PCDHGA6: variants seen among roughly 807,000 people sequenced by gnomAD.
PCDHGA6 encodes the protein protocadherin gamma subfamily A, 6, also known as protocadherin gamma-A6.
Under a neutral mutation model 60.6 loss-of-function variants are expected in PCDHGA6, and 41 were observed. The ratio of observed to expected loss-of-function variants is 0.68; its 90% CI spans 0.53 to 0.88. PCDHGA6 has a LOEUF of 0.88. Among genes scored for constraint, PCDHGA6 ranks in the 40% least tolerant of loss-of-function variants. The pLI, the probability that PCDHGA6 is intolerant of heterozygous loss-of-function variation, is 0.00. For synonymous variants in PCDHGA6, 594 were observed against 524.4 expected, an observed-to-expected ratio of 1.13 and a Z score of -1.81; for missense variants, 1,312 against 1,203.0, an observed-to-expected ratio of 1.09 and a Z score of -1.34.
In PCDHGA6 at chr5:141,410,525, T is replaced by G. The variant is rs6891442; in HGVS notation, c.2424+34018T>G. The G allele has an allele frequency of 1.9e-3, 3,112 of 1,613,920 alleles. 62 individuals are homozygous for G. In the African/African-American group the frequency reaches 0.034, roughly 18 times the overall value. On this transcript the variant is annotated intron_variant, in intron 1 of 3. Transcript: ENST00000517434. ...CCTAAAATGCAGTGTGCCCCTACAT[T>G]CCAATGAAGACATGGTTTGCAGTGT...
intron 1 of PCDHGA6, among the ~76,000 whole-genome samples, chr5:141,479,962 A>G: frequency 6.6e-6 from 1 of 152,226 alleles, no homozygotes; most frequent in Non-Finnish European, 1.5e-5. Context: ...GCAGTTAGTC[A>G]AATGAGGTTC....
Position 141,487,266 on chromosome 5 carries a change from T to A in PCDHGA6, c.2425-7541T>A. The stretch of plus-strand genomic sequence containing the variant: ...ACCCTCTACTTGGCTGTGTCCCTAG[T>A]GGCAATTTGCTTTGTCTCCTTTGGC... On this transcript the variant is annotated intron_variant, in intron 1 of 3. Transcript: ENST00000517434. This position sits in a 1 kb window ranked among gnomAD's most constrained non-coding sequence, Gnocchi z 5.0. The A allele has an allele frequency of 1.2e-6, 2 of 1,614,172 alleles. No homozygotes were observed. Among genetic ancestry groups the A allele is most frequent in the Non-Finnish European group, 8.5e-7 (1 of 1,180,036 alleles).
chr5:141,403,607 G>A (rs2094432931), intron 1 of PCDHGA6: 6 of 1,613,854 alleles, frequency 3.7e-6, no homozygotes, highest in Non-Finnish European at 5.1e-6. Flanking sequence ...GGATGGCGGC[G>A]AGCCGCGTCG....
In PCDHGA6 at chr5:141,374,257, G is replaced by A. The variant is rs1770316361; in HGVS notation, c.174G>A (p.Glu58=). The change falls in exon 1 of 4, where the codon GAG becomes GAA. Residue 58 remains glutamate, a synonymous_variant. Transcript: ENST00000517434. Reference sequence around the variant, plus strand: ...AGGATCTGGGACTGGAGCCCCAGGAGTTGGCGGAGCACGGAGTCCGCATCG... The same window carrying A: ...AGGATCTGGGACTGGAGCCCCAGGAATTGGCGGAGCACGGAGTCCGCATCG... ...IVKDLGLEPQ[E]LAEHGVRIVS... 6.8e-6 allele frequency: 11 copies of A among 1,614,042 alleles called. No homozygotes were observed. The highest frequency in any genetic ancestry group is 7.6e-6 in the Non-Finnish European group (9 of 1,179,906).
Position 141,490,310 on chromosome 5 carries a change from AC to A in PCDHGA6, c.2425-4494del. 1 of 1,614,084 alleles carries A rather than the reference AC, an allele frequency of 6.2e-7. No homozygotes were observed. The highest frequency in any genetic ancestry group is 8.5e-7 in the Non-Finnish European group (1 of 1,180,012). ...GAGGTGCTATTGGCCTCTTTGGCCA[AC>A]CCTGTCCTAGAGAGCACACCAGTGG... is the stretch of plus-strand genomic sequence containing the variant. On this transcript the variant is annotated intron_variant, in intron 1 of 3. Transcript: ENST00000517434. This position sits in a 1 kb window ranked among gnomAD's most constrained non-coding sequence, Gnocchi z 5.4.
intron 1 of PCDHGA6, chr5:141,427,752 G>A (rs1171502843): frequency 4.5e-6 from 6 of 1,319,552 alleles, no homozygotes; most frequent in South Asian, 1.2e-5. Context: ...CTACTCCATC[G>A]TTACCACTGA....
At chr5:141,500,116 C>T (rs1458562489) in intron 2 of PCDHGA6, among the ~76,000 whole-genome samples, 4 of 149,046 alleles carry the variant, frequency 2.7e-5, no homozygotes, top group Admixed American at 2.0e-4. Context: ...GAATCCCTGC[C>T]TTTTCATATA....
In PCDHGA6 at chr5:141,493,577, T is replaced by C. The variant is rs2099749081; in HGVS notation, c.2425-1230T>C. On this transcript the variant is annotated intron_variant, in intron 1 of 3. Coordinates refer to ENST00000517434, the MANE Select transcript of PCDHGA6 (RefSeq NM_018919.3). This position sits in a 1 kb window ranked among gnomAD's most constrained non-coding sequence, Gnocchi z 4.3. ...GAGTTCCCCCAGCTCCGTTTCCTCC[T>C]ATCACAATCACTGCATTTCCATGTA... Among the ~76,000 whole-genome samples, 2 of 152,208 alleles carry C rather than the reference T, an allele frequency of 1.3e-5. No homozygotes were observed. The highest frequency in any genetic ancestry group is 1.3e-4 in the Admixed American group (2 of 15,280).
intron 2 of PCDHGA6, among the ~76,000 whole-genome samples, chr5:141,500,023 G>C (rs1393994881): frequency 1.3e-5 from 2 of 151,754 alleles, no homozygotes; most frequent in Admixed American, 6.6e-5. Flanking sequence ...TTTTATATTT[G>C]AGTGAGTGTC....
chr5:141,375,866 G>T lies in PCDHGA6; in HGVS notation c.1783G>T (p.Asp595Tyr). ...GYLVTKVVAV[D>Y]RDSGQNAWLS... ...CCTGGTGACCAAGGTGGTGGCGGTG[G>T]ACAGAGACTCGGGCCAGAACGCCTG... The change falls in exon 1 of 4, where the codon GAC becomes TAC. Residue 595 changes from aspartate to tyrosine, a missense_variant. Coordinates refer to ENST00000517434, the MANE Select transcript of PCDHGA6 (RefSeq NM_018919.3). 2 of 1,613,948 alleles carry T rather than the reference G, an allele frequency of 1.2e-6. No homozygotes were observed. Among genetic ancestry groups the T allele is most frequent in the Non-Finnish European group, 8.5e-7 (1 of 1,180,028 alleles).
intron 1 of PCDHGA6, among the ~76,000 whole-genome samples, chr5:141,456,780 T>A (rs1392367637): frequency 1.3e-5 from 2 of 152,000 alleles, no homozygotes; most frequent in Non-Finnish European, 2.9e-5. Flanking sequence ...CTGGCCTACA[T>A]GGCAAAACCC....
intron 1 of PCDHGA6, among the ~76,000 whole-genome samples, chr5:141,459,035 A>T (rs1404092581): frequency 6.6e-6 from 1 of 152,218 alleles, no homozygotes; most frequent in Non-Finnish European, 1.5e-5. Context: ...ATCCAGCCTT[A>T]CCAGCTATAT....
Position 141,511,309 on chromosome 5 carries a change from G to C in PCDHGA6, c.*136G>C. The stretch of plus-strand genomic sequence containing the variant: ...GGGGCCAAGGCCATGCTCCCCTTGG[G>C]AAACAGAAACAAGTGCCCAGTCAGC... On this transcript the variant is annotated 3_prime_UTR_variant, in exon 4 of 4. Coordinates refer to ENST00000517434, the MANE Select transcript of PCDHGA6 (RefSeq NM_018919.3). 4.0e-6 allele frequency: 6 copies of C among 1,485,470 alleles called. No homozygotes were observed. Among genetic ancestry groups the C allele is most frequent in the Non-Finnish European group, 4.5e-6 (5 of 1,113,432 alleles). 92.0% of individuals were successfully genotyped at this position (1,485,470 alleles called of 1,614,324 possible).
At position 141,421,815 on chromosome 5, in the gene PCDHGA6, A is replaced by C. The variant is rs746563152; in HGVS notation, c.2424+45308A>C. ...ATGGGGCCAAGAATCCAGAGCTAGTACTGGAGGGAAGCCTGGACCGAGAGA... is the reference window on the plus strand; with the variant it reads ...ATGGGGCCAAGAATCCAGAGCTAGTCCTGGAGGGAAGCCTGGACCGAGAGA... On this transcript the variant is annotated intron_variant, in intron 1 of 3. Coordinates refer to ENST00000517434, the MANE Select transcript of PCDHGA6 (RefSeq NM_018919.3). 4 of 1,613,764 alleles carry C rather than the reference A, an allele frequency of 2.5e-6. No individual in the cohort carries two copies. The South Asian group carries it at 3.3e-5, about 13-fold the overall frequency.
In PCDHGA6 at chr5:141,374,581, C is replaced by G; in HGVS notation, c.498C>G (p.Ser166=). 8.7e-6 allele frequency: 14 copies of G among 1,613,660 alleles called. No homozygotes were observed. The highest frequency in any genetic ancestry group is 1.0e-5 in the Non-Finnish European group (12 of 1,179,732). The change falls in exon 1 of 4, where the codon TCC becomes TCG. Residue 166 remains serine (S), a synonymous_variant. Transcript: ENST00000517434. Reference sequence around the variant, plus strand: ...ATGACCCTGATGTGGGAATGAACTCCCTTCAGGGATTTAAGCTCAGTGGTA... The same window carrying G: ...ATGACCCTGATGTGGGAATGAACTCGCTTCAGGGATTTAAGCTCAGTGGTA... ...EVYDPDVGMN[S]LQGFKLSGNS... is the part of the protein sequence containing the mutation.
At chr5:141,398,608 G>C in intron 1 of PCDHGA6, 4 of 1,614,062 alleles carry the variant, frequency 2.5e-6, no homozygotes, top group Non-Finnish European at 3.4e-6. Context: ...AGAAGATGCA[G>C]ATATTGGCTT....
In PCDHGA6 at chr5:141,402,929, A is replaced by G. The variant is rs751760276; in HGVS notation, c.2424+26422A>G. 12 of 1,583,076 alleles carry G rather than the reference A, an allele frequency of 7.6e-6. No individual in the cohort carries two copies. In the South Asian group the frequency reaches 1.3e-4, roughly 17 times the overall value. On this transcript the variant is annotated intron_variant, in intron 1 of 3. Coordinates refer to ENST00000517434, the MANE Select transcript of PCDHGA6 (RefSeq NM_018919.3). ...AGCAGCGCGCACAGAGATCCTTTTG[A>G]GAAAATTCCAAAGCGAGGCAGCAAT...
At chr5:141,429,385 T>A (rs1274446916) in intron 1 of PCDHGA6, among the ~76,000 whole-genome samples, 1 of 151,844 alleles carries the variant, frequency 6.6e-6, no homozygotes, top group Non-Finnish European at 1.5e-5. Flanking sequence ...GTGTTTTTTT[T>A]TTAAAAAAAA....
chr5:141,498,737 G>A (rs1176793634), intron 2 of PCDHGA6, among the ~76,000 whole-genome samples: 1 of 152,076 alleles, frequency 6.6e-6, no homozygotes, highest in African/African-American at 2.4e-5. Context: ...TTTGAGACCA[G>A]CCTGGCCAAC....
Sources: allele counts gnomAD v4.1 joint callset (sites outside exome capture counted in the v4.1 genomes callset), GRCh38; gene constraint gnomAD v4.1.1; non-coding constraint Gnocchi (gnomAD v3.1); transcripts MANE v1.5; gene names NCBI Gene and HGNC (gene_info 2026-07-23, HGNC 2026-07-21).